The following PDE11A variants were observed in gnomAD, a reference collection of about 807,000 sequenced individuals.
PDE11A encodes the protein phosphodiesterase 11A, also known as dual 3',5'-cyclic-AMP and -GMP phosphodiesterase 11A.
PDE11A carries 100 observed loss-of-function variants against 100.5 expected under a neutral mutation model. The observed-to-expected ratio is 1.00, with a 90% CI of 0.85 to 1.18. The LOEUF (loss-of-function observed/expected upper bound fraction) is 1.18. Among genes scored for constraint, PDE11A ranks in the 50% most tolerant of loss-of-function variants. PDE11A has a pLI of 0.00. For missense variants in PDE11A, 1,141 were observed against 1,152.6 expected (o/e 0.99, Z 0.15); for synonymous variants, 381 against 420.8 (o/e 0.91, Z 1.16).
intron 2 of PDE11A, among the ~76,000 whole-genome samples, chr2:178,002,094 T>C (rs756416243): frequency 3.9e-5 from 6 of 152,014 alleles, no homozygotes; most frequent in Non-Finnish European, 7.4e-5. Flanking sequence ...GTAGTCCCCA[T>C]TGTCTATGGG....
At chr2:178,104,554 C>G in intron 1 of PDE11A, 1 of 1,266,652 alleles carries the variant, frequency 7.9e-7, no homozygotes, top group Non-Finnish European at 1.1e-6. Context: ...AAAAGAATTC[C>G]ATCATTTTGA....
rs144356338 is a variant in PDE11A, at chr2:177,836,005, C to G, written c.1500+4246G>C. On this transcript the variant is annotated intron_variant, in intron 6 of 19. Transcript: ENST00000286063. ...CGAGCCTCCCCGACGAGCGCTGCCC[C>G]CTGCTCTGCAGCACCCGGTCCTATC... Among the ~76,000 whole-genome samples, 252 of 152,304 alleles carry G rather than the reference C, an allele frequency of 1.7e-3. 7 individuals are homozygous for G. The South Asian group carries it at 0.026, about 16-fold the overall frequency.
chr2:177,648,624 G>A (rs1393106064), intron 19 of PDE11A, among the ~76,000 whole-genome samples: 1 of 151,934 alleles, frequency 6.6e-6, no homozygotes, highest in Non-Finnish European at 1.5e-5. Context: ...AGAATAATAA[G>A]GAAGGTGAAA....
chr2:177,870,347 T>C (rs1271393266), intron 5 of PDE11A, among the ~76,000 whole-genome samples: 3 of 152,216 alleles, frequency 2.0e-5, no homozygotes, highest in East Asian at 1.9e-4. Context: ...TGTAATCTCA[T>C]TGGACACACA....
chr2:177,944,273 G>C (rs2085377974), intron 2 of PDE11A, among the ~76,000 whole-genome samples: 1 of 152,160 alleles, frequency 6.6e-6, no homozygotes, highest in African/African-American at 2.4e-5. Flanking sequence ...CTTAGGGCAG[G>C]AGAAATTTTG....
intron 10 of PDE11A, among the ~76,000 whole-genome samples, chr2:177,745,356 C>A (rs1240688991): frequency 1.3e-5 from 2 of 152,224 alleles, no homozygotes; most frequent in African/African-American, 2.4e-5. Flanking sequence ...TTCCCCTAGA[C>A]AGAAGCATCA....
rs577279042 is a variant in PDE11A at position 178,089,671 on chromosome 2, G to A, written c.162+14631C>T. On this transcript the variant is annotated intron_variant, in intron 2 of 20. Transcript: ENST00000358450. ...GGCCTAGTCGAGAAGACAGTTTAGA[G>A]GAGCCTGACTCAAGTCTGGTCAAAC... Among the ~76,000 whole-genome samples, 4 of 152,326 alleles carry A rather than the reference G, an allele frequency of 2.6e-5. No individual in the cohort carries two copies. The South Asian group carries it at 8.3e-4, about 32-fold the overall frequency.
intron 2 of PDE11A, among the ~76,000 whole-genome samples, chr2:177,957,910 C>CTTTTTTTTTCTTTTTTTTTT (rs748839068): frequency 5.2e-5 from 6 of 114,468 alleles, no homozygotes; most frequent in Non-Finnish European, 1.7e-5. Context: ...TTTCCAATGC[C>CTTTTTTTTTCTTTTTTTTTT]TTTTTTTTGA....
intron 1 of PDE11A, among the ~76,000 whole-genome samples, chr2:178,105,381 C>G (rs949660311): frequency 2.0e-5 from 3 of 152,122 alleles, no homozygotes; most frequent in African/African-American, 7.2e-5. Context: ...ATTGCTTGAA[C>G]CTGGGAGGCG....
intron 4 of PDE11A, chr2:177,888,652 T>A (rs1363807997): frequency 1.1e-6 from 1 of 947,660 alleles, no homozygotes; most frequent in Non-Finnish European, 1.3e-6. Flanking sequence ...AACCAAGCCA[T>A]GCATGTCAGG....
At chr2:177,790,894 C>T (rs1421913902) in intron 9 of PDE11A, among the ~76,000 whole-genome samples, 3 of 152,146 alleles carry the variant, frequency 2.0e-5, no homozygotes, top group African/African-American at 7.2e-5. Flanking sequence ...ACAACAGGTG[C>T]TGGAGAGGAT....
chr2:178,068,703 A>T lies in PDE11A; in HGVS notation c.912+2823T>A, dbSNP rs1391766233. 2.0e-5 allele frequency among the ~76,000 whole-genome samples: 3 copies of T among 152,214 alleles called. No individual in the cohort carries two copies. The South Asian group carries it at 6.2e-4, about 32-fold the overall frequency. On this transcript the variant is annotated intron_variant, in intron 1 of 19. Transcript: ENST00000286063. Reference sequence around the variant, plus strand: ...CATCACAAAAGAACATGTATTTGGAAGGTTGTCGGTTTTCATTAAGAGAAA... The same window carrying T: ...CATCACAAAAGAACATGTATTTGGATGGTTGTCGGTTTTCATTAAGAGAAA...
intron 5 of PDE11A, among the ~76,000 whole-genome samples, chr2:177,854,133 A>C (rs986909066): frequency 6.6e-6 from 1 of 151,892 alleles, no homozygotes; most frequent in African/African-American, 2.4e-5. Context: ...AATCTGAGGG[A>C]CAGCTGACCT....
chr2:177,695,695 A>ATTT (rs1268497259), intron 15 of PDE11A, among the ~76,000 whole-genome samples: 1 of 152,084 alleles, frequency 6.6e-6, no homozygotes, highest in Admixed American at 6.6e-5. Context: ...TGGCCTTCTA[A>ATTT]AGGTAGAATA....
chr2:177,890,801 A>G (rs1026746308), intron 4 of PDE11A, among the ~76,000 whole-genome samples: 6 of 152,190 alleles, frequency 3.9e-5, no homozygotes, highest in Non-Finnish European at 5.9e-5. Context: ...ATGACTCAAA[A>G]GGAGAAAATT....
chr2:177,689,719 G>A (rs2081014877), intron 15 of PDE11A, among the ~76,000 whole-genome samples: 1 of 152,184 alleles, frequency 6.6e-6, no homozygotes, highest in African/African-American at 2.4e-5. Context: ...CTGAGTGAAT[G>A]ACTTGTTTGA....
At chr2:177,772,707 T>C (rs1424125920) in intron 9 of PDE11A, among the ~76,000 whole-genome samples, 4 of 133,130 alleles carry the variant, frequency 3.0e-5, no homozygotes, top group African/African-American at 6.4e-5. Context: ...TCCCACTTCC[T>C]TTATTTAAAA....
intron 5 of PDE11A, among the ~76,000 whole-genome samples, chr2:177,849,319 G>A (rs1169669804): frequency 6.6e-6 from 1 of 152,188 alleles, no homozygotes. Context: ...GTGGAAGGAT[G>A]TTGGTCTAAG....
chr2:178,073,909 G>GT (rs796149790), upstream of PDE11A, among the ~76,000 whole-genome samples: 1,089 of 142,762 alleles, frequency 7.6e-3, 5 homozygotes, highest in African/African-American at 0.016. Context: ...ATGTGTCAGG[G>GT]TTTTTTTTTT....
Sources: gnomAD v4.1 joint callset for allele counts (sites outside exome capture counted in the v4.1 genomes callset) on GRCh38, gnomAD v4.1.1 for gene constraint, MANE v1.5 for transcripts, NCBI Gene and HGNC (gene_info 2026-07-23, HGNC 2026-07-21) for gene names.